Variants in EFHC2 observed in about 807,000 individuals in gnomAD.
EFHC2 encodes EF-hand domain-containing family member C2.
A neutral mutation model predicts 52.7 loss-of-function variants in EFHC2; 18 were observed. That is an observed-to-expected ratio of 0.34 (90% confidence interval 0.24 to 0.51). The LOEUF is 0.51. EFHC2 is among the 20% of genes least tolerant of loss of function. The probability of loss-of-function intolerance (pLI) is 0.97; values close to 1 mark genes in which losing one functional copy is unlikely to be tolerated. For synonymous variants in EFHC2, 203 were observed against 204.1 expected (o/e 0.99, Z 0.04); for missense variants, 513 against 562.5 (o/e 0.91, Z 0.89).
chrX:44,285,123 C>T (rs2037741512), intron 2 of EFHC2: 1 of 111,885 alleles, frequency 8.9e-6, no homozygotes, highest in South Asian at 3.8e-4. Flanking sequence ...AGCAGTAACA[C>T]ATTGCAGGCT....
intron 11 of EFHC2, among the ~76,000 whole-genome samples, chrX:44,216,634 A>C (rs1004427982): frequency 9.0e-6 from 1 of 111,655 alleles, no homozygotes; most frequent in Middle Eastern, 4.2e-3. Context: ...CTCATCAATA[A>C]ATGGTGCTAG....
chrX:44,212,252 A>G (rs908245716), intron 11 of EFHC2, among the ~76,000 whole-genome samples: 1 of 111,697 alleles, frequency 9.0e-6, no homozygotes, highest in African/African-American at 3.3e-5. Flanking sequence ...ATGCCTTTTA[A>G]AACTGTAGAC....
At chrX:44,319,147 G>T (rs2038001718) in intron 1 of EFHC2, among the ~76,000 whole-genome samples, 1 of 109,215 alleles carries the variant, frequency 9.2e-6, no homozygotes, top group South Asian at 4.0e-4. Flanking sequence ...GGGATTACAG[G>T]TGCCCACCAC....
intron 2 of EFHC2, among the ~76,000 whole-genome samples, chrX:44,310,857 T>A (rs2037943618): frequency 8.9e-6 from 1 of 111,955 alleles, no homozygotes; most frequent in Non-Finnish European, 1.9e-5. Flanking sequence ...TCTACATAAG[T>A]AATTAAAGGC....
intron 2 of EFHC2, among the ~76,000 whole-genome samples, chrX:44,278,892 G>C (rs894100957): frequency 7.2e-5 from 8 of 111,710 alleles, no homozygotes; most frequent in Admixed American, 5.7e-4. Context: ...AAATAAATTT[G>C]TGTGCTTTTC....
At chrX:44,274,686 T>C (rs954502409) in intron 2 of EFHC2, among the ~76,000 whole-genome samples, 1 of 110,784 alleles carries the variant, frequency 9.0e-6, no homozygotes, top group African/African-American at 3.3e-5. Flanking sequence ...CCCAGGAGTT[T>C]GAGACCAGCC....
At chrX:44,329,146 C>T (rs907497164) in intron 1 of EFHC2, among the ~76,000 whole-genome samples, 2 of 111,431 alleles carry the variant, frequency 1.8e-5, no homozygotes, top group Non-Finnish European at 3.8e-5. Context: ...TCAGGTATTC[C>T]ATTACTTTCA....
chrX:44,314,857 C>G (rs141683440), intron 1 of EFHC2, among the ~76,000 whole-genome samples: 2 of 111,309 alleles, frequency 1.8e-5, no homozygotes, highest in African/African-American at 6.5e-5. Context: ...GCCAAATATA[C>G]GAGTTAAAAT....
chrX:44,166,722 C>T (rs766157760), intron 13 of EFHC2, among the ~76,000 whole-genome samples: 1 of 111,505 alleles, frequency 9.0e-6, no homozygotes, highest in Non-Finnish European at 1.9e-5. Flanking sequence ...AGTATAGTAT[C>T]CTGGTAATCT....
At chrX:44,323,462 G>C (rs1163912506) in intron 1 of EFHC2, among the ~76,000 whole-genome samples, 1 of 112,090 alleles carries the variant, frequency 8.9e-6, no homozygotes, top group Non-Finnish European at 1.9e-5. Context: ...GAGTCTTAAA[G>C]TGAACCTTGA....
At chrX:44,264,952 C>G (rs1427901664) in intron 3 of EFHC2, among the ~76,000 whole-genome samples, 1 of 111,351 alleles carries the variant, frequency 9.0e-6, no homozygotes, top group East Asian at 2.8e-4. Flanking sequence ...CCATATTTGC[C>G]CTTTAAATTT....
chrX:44,343,537 TC>T lies in EFHC2; in HGVS notation c.42+9del. ...CGGGAGCTGTGACCTCGGACGCCCT[TC>T]CTACTCACGTTGCGGTTGAAGCTGT... On this transcript the variant is annotated intron_variant, in intron 1 of 14. Transcript: ENST00000420999. 8.4e-7 allele frequency: 1 copy of T among 1,192,834 alleles called. No individual in the cohort carries two copies. Among genetic ancestry groups the T allele is most frequent in the Non-Finnish European group, 1.1e-6 (1 of 886,127 alleles).
At chrX:44,182,760 A>G (rs1334345115) in intron 11 of EFHC2, among the ~76,000 whole-genome samples, 1 of 112,331 alleles carries the variant, frequency 8.9e-6, no homozygotes, top group Non-Finnish European at 1.9e-5. Context: ...TTGAAGATTT[A>G]GATAGCAAGT....
rs1027804231 is a variant in EFHC2 at position 44,312,597 on chromosome X, C to T, written c.202G>A (p.Val68Ile). 1 of 1,203,807 alleles carries T rather than the reference C, an allele frequency of 8.3e-7. No homozygotes were observed. The highest frequency in any genetic ancestry group is 1.1e-6 in the Non-Finnish European group (1 of 892,655). ...SIYPKGDGSD[V>I]PSWVAFDKQV... ...TTATCAAAGGCTACCCATGATGGTA[C>T]ATCACTTCCATCTCCTTTAGGATAT... The change falls in exon 2 of 15, where the codon GTA becomes ATA. Residue 68 changes from valine (V) to isoleucine (I), a missense_variant. Val to Ile is a conservative substitution (Grantham distance 29). Transcript: ENST00000420999.
intron 3 of EFHC2, among the ~76,000 whole-genome samples, chrX:44,267,721 G>A (rs772772369): frequency 9.0e-6 from 1 of 110,910 alleles, no homozygotes; most frequent in South Asian, 3.8e-4. Context: ...TCTTCCCAGG[G>A]CCCAGATGCA....
intron 11 of EFHC2, among the ~76,000 whole-genome samples, chrX:44,182,275 T>C (rs1011069036): frequency 2.7e-5 from 3 of 112,846 alleles, no homozygotes; most frequent in Middle Eastern, 4.6e-3. Flanking sequence ...GCTGAATTCT[T>C]ATTCATTGTA....
At chrX:44,175,413 A>C (rs1201569886) in intron 13 of EFHC2, among the ~76,000 whole-genome samples, 1 of 111,519 alleles carries the variant, frequency 9.0e-6, no homozygotes, top group Non-Finnish European at 1.9e-5. Context: ...CTGTCAAGAC[A>C]TCCTAATCTA....
chrX:44,290,870 T>C (rs5953381), intron 2 of EFHC2, among the ~76,000 whole-genome samples: 16,943 of 110,719 alleles, frequency 0.15, 1,355 homozygotes, highest in African/African-American at 0.28. Flanking sequence ...TATTTCTGGG[T>C]CTCCTAGTGA....
intron 11 of EFHC2, among the ~76,000 whole-genome samples, chrX:44,226,559 G>C (rs2037233568): frequency 9.0e-6 from 1 of 111,293 alleles, no homozygotes; most frequent in African/African-American, 3.3e-5. Flanking sequence ...ACATGCGAGG[G>C]GGAAACGTCC....
Sources: allele counts gnomAD v4.1 joint callset (sites outside exome capture counted in the v4.1 genomes callset), GRCh38; gene constraint gnomAD v4.1.1; transcripts MANE v1.5; gene names NCBI Gene and HGNC (gene_info 2026-07-23, HGNC 2026-07-21).